Variants in CCDC169 observed in about 807,000 individuals in gnomAD.
CCDC169 encodes the protein coiled-coil domain containing 169.
Under a neutral mutation model 36.0 loss-of-function variants are expected in CCDC169, and 30 were observed. The ratio of observed to expected loss-of-function variants is 0.83; its 90% CI spans 0.62 to 1.13. The LOEUF (loss-of-function observed/expected upper bound fraction) is 1.13, where lower values mean the gene tolerates loss of function less well. Among genes scored for constraint, CCDC169 ranks in the 50% most tolerant of loss-of-function variants. CCDC169 has a pLI of 0.00. For synonymous variants in CCDC169, 85 were observed against 81.5 expected (o/e 1.04, Z -0.23); for missense variants, 245 against 245.9 (o/e 1.00, Z 0.03).
At chr13:36,244,643 GA>G (rs1237622595) in intron 7 of CCDC169, 1 of 148,856 alleles carries the variant, frequency 6.7e-6, no homozygotes, top group Non-Finnish European at 1.5e-5. Flanking sequence ...GAGAAAGAAA[GA>G]AAAAAAGAAA....
chr13:36,231,314 C>A (rs760612372), intron 7 of CCDC169, 22 bp from the exon 8 acceptor site: 6 of 1,548,998 alleles, frequency 3.9e-6, no homozygotes, highest in Admixed American at 2.0e-5. Flanking sequence ...AAGTGTTAAT[C>A]ATAATTTTTC....
chr13:36,260,829 C>A (rs1049068387), intron 4 of CCDC169, among the ~76,000 whole-genome samples: 34 of 152,118 alleles, frequency 2.2e-4, no homozygotes, highest in Admixed American at 2.2e-3. Flanking sequence ...TTTCTGAATG[C>A]TACTTTTCAT....
rs117145745 is a variant in CCDC169 at position 36,251,660 on chromosome 13, T to G, written c.468+2143A>C. ...TTTTATGTTCAGTTCAGTAAATAAT[T>G]TTGCATATTTGCTTTTTGCCACTCT... is the stretch of plus-strand genomic sequence containing the variant. On this transcript the variant is annotated intron_variant, in intron 6 of 7. Coordinates refer to ENST00000239859, the MANE Select transcript of CCDC169 (RefSeq NM_001144981.3). 9.3e-3 allele frequency among the ~76,000 whole-genome samples: 1,418 copies of G among 152,290 alleles called. 8 individuals carry two copies. The highest frequency in any genetic ancestry group is 0.016 in the Non-Finnish European group (1,092 of 68,030).
intron 2 of CCDC169, among the ~76,000 whole-genome samples, chr13:36,294,424 A>T (rs1053732634): frequency 1.3e-5 from 2 of 152,140 alleles, no homozygotes; most frequent in African/African-American, 2.4e-5. Context: ...AGATATGGAG[A>T]TAGAGGAAGC....
intron 7 of CCDC169, among the ~76,000 whole-genome samples, chr13:36,238,579 T>C (rs886508152): frequency 6.6e-6 from 1 of 152,210 alleles, no homozygotes; most frequent in Non-Finnish European, 1.5e-5. Flanking sequence ...ACCACAATCA[T>C]TCAATTATTA....
At chr13:36,296,723 G>C (rs1414389713) in intron 1 of CCDC169, among the ~76,000 whole-genome samples, 1 of 152,200 alleles carries the variant, frequency 6.6e-6, no homozygotes, top group East Asian at 1.9e-4. Flanking sequence ...CGGCAGCAAA[G>C]TTCCACTGGA....
intron 4 of CCDC169, among the ~76,000 whole-genome samples, chr13:36,266,407 T>G (rs1447888970): frequency 6.6e-6 from 1 of 152,058 alleles, no homozygotes; most frequent in Admixed American, 6.5e-5. Context: ...CAGGTAGACT[T>G]GTAGACTCCA....
intron 2 of CCDC169, among the ~76,000 whole-genome samples, chr13:36,288,076 T>C (rs1456168909): frequency 1.3e-5 from 2 of 152,128 alleles, no homozygotes; most frequent in African/African-American, 4.8e-5. Flanking sequence ...TGGCGCAATC[T>C]TGGCTCACTG....
At chr13:36,284,888 A>G (rs1009183105) in intron 2 of CCDC169, among the ~76,000 whole-genome samples, 1 of 152,172 alleles carries the variant, frequency 6.6e-6, no homozygotes, top group Non-Finnish European at 1.5e-5. Flanking sequence ...TCTCTATGCA[A>G]ATGCGGTCTA....
chr13:36,280,959 C>A, intron 4 of CCDC169: 1 of 165,818 alleles, frequency 6.0e-6, no homozygotes, highest in Non-Finnish European at 1.3e-5. Flanking sequence ...CACGAAGGTG[C>A]CCATATGATA....
intron 7 of CCDC169, among the ~76,000 whole-genome samples, chr13:36,243,657 T>C (rs1486889091): frequency 2.0e-5 from 3 of 151,808 alleles, no homozygotes; most frequent in African/African-American, 7.3e-5. Context: ...AAATACAAAA[T>C]TAGCCAAGCA....
At chr13:36,250,378 G>T (rs1361209215) in intron 6 of CCDC169, among the ~76,000 whole-genome samples, 1 of 152,130 alleles carries the variant, frequency 6.6e-6, no homozygotes, top group Non-Finnish European at 1.5e-5. Flanking sequence ...GCTTTGCTGT[G>T]ATCCTCTGGG....
At chr13:36,229,658 C>T (rs1024982242), downstream of CCDC169, among the ~76,000 whole-genome samples, 1 of 151,628 alleles carries the variant, frequency 6.6e-6, no homozygotes, top group South Asian at 2.1e-4. Context: ...ATGCCCCAGC[C>T]TCCTGAGTAG....
intron 2 of CCDC169, among the ~76,000 whole-genome samples, chr13:36,291,336 G>C (rs932198093): frequency 4.7e-4 from 72 of 152,242 alleles, no homozygotes; most frequent in African/African-American, 1.6e-3. Context: ...AATCTCTTAT[G>C]TTAAATAAGT....
At chr13:36,256,797 C>T (rs1448400227) in intron 4 of CCDC169, among the ~76,000 whole-genome samples, 1 of 152,228 alleles carries the variant, frequency 6.6e-6, no homozygotes, top group Non-Finnish European at 1.5e-5. Context: ...TGTCTCTTCC[C>T]TTCTTCTCAC....
intron 7 of CCDC169, among the ~76,000 whole-genome samples, chr13:36,246,148 C>T (rs1204799251): frequency 3.9e-5 from 6 of 152,134 alleles, no homozygotes; most frequent in Non-Finnish European, 8.8e-5. Flanking sequence ...AATTAATAAC[C>T]CTACTATGGT....
intron 4 of CCDC169, among the ~76,000 whole-genome samples, chr13:36,274,762 T>C (rs1454147512): frequency 1.3e-5 from 2 of 151,596 alleles, no homozygotes; most frequent in Non-Finnish European, 2.9e-5. Context: ...AGGGTAAGAA[T>C]AAGAAATTTC....
At chr13:36,230,100 A>G (rs771984029), downstream of CCDC169, among the ~76,000 whole-genome samples, 2 of 152,216 alleles carry the variant, frequency 1.3e-5, no homozygotes, top group Admixed American at 1.3e-4. Flanking sequence ...TTCCTTAAGG[A>G]AAGAAAATAA....
chr13:36,297,802 G>C lies in CCDC169; in HGVS notation c.-83C>G. 1 of 1,326,102 alleles carries C rather than the reference G, an allele frequency of 7.5e-7. No homozygotes were observed. Among genetic ancestry groups the C allele is most frequent in the South Asian group, 1.3e-5 (1 of 79,450 alleles). 82.1% of individuals were successfully genotyped at this position (1,326,102 alleles called of 1,614,324 possible). A position where few individuals can be genotyped will look rare whatever the true frequency, so the allele number is the denominator to read the frequency against. On this transcript the variant is annotated 5_prime_UTR_variant, in exon 1 of 8. Transcript: ENST00000239859. ...TTAAGGGCCACCCAGAAGCCAGTAC[G>C]GCACGAGGCGGTGAACCCCAACCGC...
Sources: allele counts gnomAD v4.1 joint callset (sites outside exome capture counted in the v4.1 genomes callset), GRCh38; gene constraint gnomAD v4.1.1; transcripts MANE v1.5; gene names NCBI Gene and HGNC (gene_info 2026-07-23, HGNC 2026-07-21).